Variants in ZNF738 observed in about 807,000 individuals in gnomAD.
ZNF738 encodes the protein protein ZNF738.
In ZNF738, 10 loss-of-function variants were observed where a neutral mutation model predicts 9.2. The observed-to-expected ratio is 1.09, with a 90% CI of 0.67 to 1.85. The LOEUF is 1.85. ZNF738 is among the 40% of genes most tolerant of loss of function. The pLI, the probability that ZNF738 is intolerant of heterozygous loss-of-function variation, is 0.00. For missense variants in ZNF738, 346 were observed against 283.6 expected, an observed-to-expected ratio of 1.22 and a Z score of -1.58; for synonymous variants, 113 against 94.5, an observed-to-expected ratio of 1.20 and a Z score of -1.14.
At chr19:21,373,925 C>A (rs1973892138) in intron 2 of ZNF738, among the ~76,000 whole-genome samples, 1 of 151,970 alleles carries the variant, frequency 6.6e-6, no homozygotes, top group Non-Finnish European at 1.5e-5. Flanking sequence ...ATAAAAAATT[C>A]TTGTGGTAGT....
At chr19:21,382,729 T>C (rs1174221375) in intron 4 of ZNF738, 137 bp from the exon 5 acceptor site, 3 of 180,492 alleles carry the variant, frequency 1.7e-5, no homozygotes, top group Admixed American at 1.2e-4. Context: ...TATATATGTC[T>C]ATAAAAAATT....
intron 2 of ZNF738, among the ~76,000 whole-genome samples, chr19:21,371,503 G>A (rs1568368334): frequency 1.3e-5 from 2 of 152,172 alleles, no homozygotes; most frequent in African/African-American, 4.8e-5. Context: ...TCTGGTACTA[G>A]GGTGAAAGAC....
At chr19:21,362,299 A>T (rs2914639) in intron 2 of ZNF738, among the ~76,000 whole-genome samples, 12 of 152,264 alleles carry the variant, frequency 7.9e-5, no homozygotes, top group African/African-American at 2.6e-4. Context: ...GAAAAAGAGT[A>T]AAAAACAGTG....
intron 4 of ZNF738, among the ~76,000 whole-genome samples, chr19:21,377,033 C>T (rs948562290): frequency 3.3e-5 from 5 of 151,840 alleles, no homozygotes; most frequent in East Asian, 3.9e-4. Context: ...ACAGGCTGGG[C>T]GCAGTGGCTC....
intron 2 of ZNF738, among the ~76,000 whole-genome samples, chr19:21,368,014 A>G (rs1973808053): frequency 6.6e-6 from 1 of 152,250 alleles, no homozygotes; most frequent in African/African-American, 2.4e-5. Flanking sequence ...AATAAATCAG[A>G]GTACAGCCCC....
In ZNF738 at chr19:21,382,993, AAGT is replaced by A; in HGVS notation, c.448_450del (p.Ser150del). 1 of 707,044 alleles carries A rather than the reference AAGT, an allele frequency of 1.4e-6. No individual in the cohort carries two copies. The highest frequency in any genetic ancestry group is 2.6e-6 in the Non-Finnish European group (1 of 382,752). 43.8% of individuals were successfully genotyped at this position (707,044 alleles called of 1,614,324 possible). A position where few individuals can be genotyped will look rare whatever the true frequency, so the allele number is the denominator to read the frequency against. The stretch of plus-strand genomic sequence containing the variant: ...ATTTACAGTTAAGAAAAGGCTGTAA[AAGT>A]GTGAATGAGTGTAATGTGCAAAAAG... On this transcript the variant is annotated inframe_deletion, in exon 5 of 5. Coordinates refer to ENST00000683779, the MANE Select transcript of ZNF738 (RefSeq NM_001355237.2).
At chr19:21,380,409 G>A (rs1973989291) in intron 4 of ZNF738, among the ~76,000 whole-genome samples, 1 of 152,206 alleles carries the variant, frequency 6.6e-6, no homozygotes, top group Non-Finnish European at 1.5e-5. Context: ...GATGGGGGTA[G>A]AGTCCCCACT....
Position 21,384,220 on chromosome 19 carries a change from A to C in ZNF738, c.*546A>C, listed in dbSNP as rs7254762. 2.9e-6 allele frequency: 4 copies of C among 1,395,176 alleles called. No homozygotes were observed. The highest frequency in any genetic ancestry group is 4.0e-6 in the Non-Finnish European group (4 of 987,784). 86.4% of individuals were successfully genotyped at this position (1,395,176 alleles called of 1,614,324 possible). ...TGGTACTCACGCCTTACTACACATA[A>C]GAGAATTCATACTGGTGAGAAACCC... is the stretch of plus-strand genomic sequence containing the variant. On this transcript the variant is annotated 3_prime_UTR_variant, in exon 5 of 5. Transcript: ENST00000683779.
chr19:21,360,855 G>GTTTTTTTTT, intron 1 of ZNF738, among the ~76,000 whole-genome samples: 1 of 148,450 alleles, frequency 6.7e-6, no homozygotes, highest in Non-Finnish European at 1.5e-5. Flanking sequence ...TTGAGACGGA[G>GTTTTTTTTT]TTTCACTCTT....
In ZNF738 at chr19:21,385,813, A is replaced by G. The variant is rs1490016390; in HGVS notation, c.*2139A>G. On this transcript the variant is annotated 3_prime_UTR_variant, in exon 5 of 5. Coordinates refer to ENST00000683779, the MANE Select transcript of ZNF738 (RefSeq NM_001355237.2). ...AGGTTTTTATTGATTCTCATACTTT[A>G]CTAAAAATAAGGTGATTCATTCTGG... Among the ~76,000 whole-genome samples, 1 of 152,194 alleles carries G rather than the reference A, an allele frequency of 6.6e-6. No individual in the cohort carries two copies. Among genetic ancestry groups the G allele is most frequent in the Non-Finnish European group, 1.5e-5 (1 of 68,030 alleles).
chr19:21,380,843 C>T (rs1441893869), intron 4 of ZNF738, among the ~76,000 whole-genome samples: 1 of 152,028 alleles, frequency 6.6e-6, no homozygotes, highest in Non-Finnish European at 1.5e-5. Context: ...TAGGAGTCAC[C>T]GATCTGTTTG....
intron 4 of ZNF738, chr19:21,378,177 T>A: frequency 2.7e-6 from 1 of 372,076 alleles, no homozygotes; most frequent in Non-Finnish European, 4.7e-6. Context: ...ATATGTATAT[T>A]TATTAACATG....
At chr19:21,371,424 C>G (rs906019871) in intron 2 of ZNF738, among the ~76,000 whole-genome samples, 1 of 152,178 alleles carries the variant, frequency 6.6e-6, no homozygotes, top group African/African-American at 2.4e-5. Flanking sequence ...AAGGAGACAT[C>G]CTGTGTTTTT....
chr19:21,373,757 A>C (rs1410788441), intron 2 of ZNF738, among the ~76,000 whole-genome samples: 2 of 147,900 alleles, frequency 1.4e-5, no homozygotes, highest in Non-Finnish European at 3.0e-5. Context: ...TTTCCAAAGA[A>C]GACAAAAGAG....
chr19:21,380,490 G>A (rs1167940420), intron 4 of ZNF738, among the ~76,000 whole-genome samples: 1 of 152,120 alleles, frequency 6.6e-6, no homozygotes, highest in East Asian at 1.9e-4. Context: ...TCCTCACATA[G>A]GGAATTGAGG....
At position 21,382,891 on chromosome 19, in the gene ZNF738, C is replaced by A. The variant is rs1024277113; in HGVS notation, c.345C>A (p.Asp115Glu). The change falls in exon 5 of 5, where the codon GAC (aspartate) becomes GAA (glutamate). Residue 115 changes from aspartate to glutamate, a missense_variant. By Grantham distance (45) the Asp-to-Glu change is conservative. Coordinates refer to ENST00000683779, the MANE Select transcript of ZNF738 (RefSeq NM_001355237.2). The part of the protein sequence containing the change: ...PPVTYSHFAQ[D>E]LWPQPGIKDS... ...TTACATATTCTCATTTTGCCCAGGA[C>A]CTTTGGCCACAGCCGGGCATAAAAG... The A allele has an allele frequency of 6.0e-6, 3 of 502,444 alleles. No homozygotes were observed. Among genetic ancestry groups the A allele is most frequent in the Non-Finnish European group, 1.1e-5 (3 of 262,546 alleles). 31.1% of individuals were successfully genotyped at this position (502,444 alleles called of 1,614,324 possible). A position where few individuals can be genotyped will look rare whatever the true frequency, so the allele number is the denominator to read the frequency against.
At chr19:21,363,749 C>T (rs6511229) in intron 2 of ZNF738, among the ~76,000 whole-genome samples, 85,291 of 150,612 alleles carry the variant, frequency 0.57, 24,354 homozygotes, top group Middle Eastern at 0.69. Flanking sequence ...ATTAACTGGG[C>T]GTGGTGATGG....
intron 2 of ZNF738, among the ~76,000 whole-genome samples, chr19:21,363,673 G>A (rs1462151914): frequency 6.6e-6 from 1 of 152,128 alleles, no homozygotes; most frequent in African/African-American, 2.4e-5. Context: ...CGGATCACCT[G>A]AGGTCAGGAG....
intron 4 of ZNF738, chr19:21,378,520 A>G (rs899040432): frequency 1.6e-5 from 4 of 253,384 alleles, no homozygotes; most frequent in Non-Finnish European, 2.6e-5. Flanking sequence ...AGATTTCACT[A>G]TATCACACAG....
Sources: allele counts gnomAD v4.1 joint callset (sites outside exome capture counted in the v4.1 genomes callset), GRCh38; gene constraint gnomAD v4.1.1; transcripts MANE v1.5; gene names NCBI Gene and HGNC (gene_info 2026-07-23, HGNC 2026-07-21).